Variants in CDCA2 observed in about 807,000 individuals in gnomAD.
CDCA2 encodes cell division cycle associated 2.
Under a neutral mutation model 67.0 loss-of-function variants are expected in CDCA2, and 44 were observed. The ratio of observed to expected loss-of-function variants is 0.66; its 90% CI spans 0.52 to 0.84. CDCA2 has a LOEUF of 0.84. CDCA2 is among the 40% of genes least tolerant of loss of function. The probability of loss-of-function intolerance (pLI) is 0.00; values close to 1 mark genes in which losing one functional copy is unlikely to be tolerated. For missense variants in CDCA2, 1,253 were observed against 1,203.2 expected, an observed-to-expected ratio of 1.04 and a Z score of -0.61; for synonymous variants, 447 against 418.7, an observed-to-expected ratio of 1.07 and a Z score of -0.82.
intron 13 of CDCA2, among the ~76,000 whole-genome samples, chr8:25,503,050 G>A (rs535425836): frequency 6.6e-6 from 1 of 152,342 alleles, no homozygotes; most frequent in African/African-American, 2.4e-5. Context: ...GGGAGGCCAA[G>A]GCAGGAGGAT....
At position 25,502,870 on chromosome 8, in the gene CDCA2, T is replaced by C. The variant is rs184460154; in HGVS notation, c.1672-503T>C. Among the ~76,000 whole-genome samples, 1,188 of 152,338 alleles carry C rather than the reference T, an allele frequency of 7.8e-3. 10 individuals carry two copies. The highest frequency in any genetic ancestry group is 0.011 in the Non-Finnish European group (770 of 68,026). ...AATCCTGCTTTGTAGTTTATTTGACTTTGTGGAAGTTACCTGACTTCCTAC... is the reference window on the plus strand; with the variant it reads ...AATCCTGCTTTGTAGTTTATTTGACCTTGTGGAAGTTACCTGACTTCCTAC... On this transcript the variant is annotated intron_variant, in intron 13 of 14. Transcript: ENST00000330560.
chr8:25,496,571 A>G (rs1036253653), intron 13 of CDCA2, among the ~76,000 whole-genome samples: 1 of 152,176 alleles, frequency 6.6e-6, no homozygotes, highest in Admixed American at 6.5e-5. Flanking sequence ...AATAGCCAAA[A>G]TGTATAAGAA....
intron 4 of CDCA2, among the ~76,000 whole-genome samples, chr8:25,463,138 C>G (rs1190045595): frequency 6.6e-6 from 1 of 152,050 alleles, no homozygotes; most frequent in African/African-American, 2.4e-5. Context: ...TTTTTCATGA[C>G]TACTGTGTGT....
At chr8:25,471,883 T>C (rs552611828) in intron 7 of CDCA2, among the ~76,000 whole-genome samples, 2 of 152,182 alleles carry the variant, frequency 1.3e-5, no homozygotes, top group Non-Finnish European at 2.9e-5. Flanking sequence ...CAGGGAAGAA[T>C]AGATCTACCA....
chr8:25,489,629 A>T (rs1003123292), intron 13 of CDCA2, among the ~76,000 whole-genome samples: 1 of 152,136 alleles, frequency 6.6e-6, no homozygotes, highest in Non-Finnish European at 1.5e-5. Context: ...GCTTCACTTC[A>T]TTTTTAATAC....
At chr8:25,488,452 G>T in intron 12 of CDCA2, 100 bp from the exon 13 acceptor site, 1 of 1,096,478 alleles carries the variant, frequency 9.1e-7, no homozygotes, top group Non-Finnish European at 1.3e-6. Context: ...GGGATCTAAA[G>T]TGGTAGAAGC....
intron 10 of CDCA2, among the ~76,000 whole-genome samples, chr8:25,484,822 T>C (rs1803705914): frequency 6.6e-6 from 1 of 152,168 alleles, no homozygotes; most frequent in Non-Finnish European, 1.5e-5. Flanking sequence ...GTTAAAATAC[T>C]AATTCTACAC....
intron 4 of CDCA2, among the ~76,000 whole-genome samples, chr8:25,462,754 G>A (rs988203981): frequency 1.5e-4 from 23 of 152,130 alleles, no homozygotes; most frequent in African/African-American, 4.3e-4. Context: ...ATAGCCCACC[G>A]CAGCAATGAA....
At chr8:25,479,709 T>C in intron 7 of CDCA2, 1 of 578,856 alleles carries the variant, frequency 1.7e-6, no homozygotes, top group Non-Finnish European at 3.1e-6. Context: ...GTAGTCCGAT[T>C]TGAGGTAAAA....
chr8:25,469,139 C>T (rs1803052581), intron 6 of CDCA2, among the ~76,000 whole-genome samples: 1 of 152,250 alleles, frequency 6.6e-6, no homozygotes, highest in Non-Finnish European at 1.5e-5. Flanking sequence ...TCCTCATGGC[C>T]TTTGTGAGAG....
chr8:25,468,532 G>GGGGTGTGT (rs1554520606), intron 6 of CDCA2, 119 bp downstream of exon 6: 48 of 424,284 alleles, frequency 1.1e-4, no homozygotes, highest in South Asian at 4.1e-4. Context: ...TGGTTCCTGG[G>GGGGTGTGT]GTGTGTGTGT....
intron 13 of CDCA2, among the ~76,000 whole-genome samples, chr8:25,502,284 A>C (rs952311290): frequency 7.9e-5 from 12 of 152,168 alleles, no homozygotes; most frequent in African/African-American, 2.9e-4. Context: ...CCTTTCGCCC[A>C]TAACAGTCTG....
At chr8:25,481,824 A>T (rs938352023) in intron 8 of CDCA2, among the ~76,000 whole-genome samples, 3 of 152,218 alleles carry the variant, frequency 2.0e-5, no homozygotes, top group African/African-American at 7.2e-5. Flanking sequence ...AGTAAACATG[A>T]GCTTTGTTGT....
intron 5 of CDCA2, among the ~76,000 whole-genome samples, chr8:25,466,708 A>C (rs2117483321): frequency 6.6e-6 from 1 of 152,210 alleles, no homozygotes. Flanking sequence ...AATTCATATA[A>C]ATTTTATATG....
chr8:25,459,906 G>A (rs11775241), intron 1 of CDCA2, among the ~76,000 whole-genome samples: 61,056 of 151,890 alleles, frequency 0.4, 12,711 homozygotes, highest in African/African-American at 0.52. Context: ...AGCACAACAG[G>A]GTGGCGGTCC....
intron 7 of CDCA2, 72 bp from the exon 8 acceptor site, chr8:25,479,841 C>G (rs1803497427): frequency 2.2e-6 from 3 of 1,381,208 alleles, no homozygotes; most frequent in Non-Finnish European, 3.1e-6. Flanking sequence ...TTTGCAAATA[C>G]TATATTTTTG....
rs267601871 is a variant in CDCA2 at position 25,507,225 on chromosome 8, C to T, written c.2559C>T (p.Ser853=). Residue 853 remains serine, a synonymous_variant, in exon 15 of 15, where the codon TCC becomes TCT. Transcript: ENST00000330560. ...HLEKNGNHTP[S]SSVGSSVEIS... The stretch of plus-strand genomic sequence containing the variant: ...AAAAAAATGGAAATCACACACCATC[C>T]TCCAGTGTGGGCAGCTCTGTAGAAA... The T allele has an allele frequency of 6.2e-7, 1 of 1,614,124 alleles. No individual in the cohort carries two copies. Among genetic ancestry groups the T allele is most frequent in the Non-Finnish European group, 8.5e-7 (1 of 1,180,018 alleles).
intron 14 of CDCA2, among the ~76,000 whole-genome samples, chr8:25,506,090 C>A (rs1804664854): frequency 1.3e-5 from 2 of 152,146 alleles, no homozygotes; most frequent in Admixed American, 1.3e-4. Context: ...CCAAATTTTC[C>A]CTCCCCTGTT....
chr8:25,478,649 C>G (rs1217123570), intron 7 of CDCA2, among the ~76,000 whole-genome samples: 3 of 152,110 alleles, frequency 2.0e-5, no homozygotes, highest in African/African-American at 7.2e-5. Context: ...GCCACAGCAG[C>G]CTTGCTGGGC....
Sources: allele counts gnomAD v4.1 joint callset (sites outside exome capture counted in the v4.1 genomes callset), GRCh38; gene constraint gnomAD v4.1.1; transcripts MANE v1.5; gene names NCBI Gene and HGNC (gene_info 2026-07-23, HGNC 2026-07-21).